The following PRKCE variants were observed in gnomAD, a reference collection of about 807,000 sequenced individuals.
PRKCE encodes the protein protein kinase C epsilon.
Under a neutral mutation model 85.4 loss-of-function variants are expected in PRKCE, and 16 were observed. The ratio of observed to expected loss-of-function variants is 0.19; its 90% CI spans 0.13 to 0.28. The LOEUF (loss-of-function observed/expected upper bound fraction) is 0.28, where lower values mean the gene tolerates loss of function less well. Among genes scored for constraint, PRKCE ranks in the 10% least tolerant of loss-of-function variants. The probability of loss-of-function intolerance (pLI) is 1.00; values close to 1 mark genes in which losing one functional copy is unlikely to be tolerated. For synonymous variants in PRKCE, 388 were observed against 371.5 expected (o/e 1.04, Z -0.51); for missense variants, 573 against 975.2 (o/e 0.59, Z 5.49).
chr2:45,745,379 C>A (rs1477743935), intron 1 of PRKCE, among the ~76,000 whole-genome samples: 1 of 152,132 alleles, frequency 6.6e-6, no homozygotes, highest in African/African-American at 2.4e-5. Flanking sequence ...GGGGAGGCTT[C>A]TTTCCCTATC....
intron 11 of PRKCE, among the ~76,000 whole-genome samples, chr2:46,108,933 C>A (rs1367003586): frequency 6.7e-6 from 1 of 150,076 alleles, no homozygotes; most frequent in Admixed American, 6.7e-5. Context: ...TCCAGTTGTT[C>A]AAGCACCATT....
At position 46,044,229 on chromosome 2, in the gene PRKCE, A is replaced by T. The variant is rs150388833; in HGVS notation, c.1437+33712A>T. On this transcript the variant is annotated intron_variant, in intron 10 of 14. Transcript: ENST00000306156. The stretch of plus-strand genomic sequence containing the variant: ...TACAGAATGTTTGTTGAATGAATGA[A>T]TGAATGAAAAAGTCTGGGCTTGGCC... 1.4e-3 allele frequency among the ~76,000 whole-genome samples: 217 copies of T among 152,374 alleles called. 2 individuals are homozygous for T. The highest frequency in any genetic ancestry group is 4.9e-3 in the African/African-American group (204 of 41,590).
At chr2:46,097,319 C>A (rs1296848125) in intron 11 of PRKCE, among the ~76,000 whole-genome samples, 1 of 152,000 alleles carries the variant, frequency 6.6e-6, no homozygotes, top group Non-Finnish European at 1.5e-5. Context: ...GAGATCGAGA[C>A]CATCCTGGCT....
At chr2:46,026,204 C>T (rs574694073) in intron 10 of PRKCE, among the ~76,000 whole-genome samples, 57 of 152,236 alleles carry the variant, frequency 3.7e-4, no homozygotes, top group Non-Finnish European at 5.9e-4. Flanking sequence ...GAGTAAAAAG[C>T]GCAGTCTAAG....
intron 2 of PRKCE, among the ~76,000 whole-genome samples, chr2:45,920,741 GA>G (rs375039313): frequency 6.6e-6 from 1 of 152,188 alleles, no homozygotes; most frequent in African/African-American, 2.4e-5. Context: ...GGGAATTGGA[GA>G]ACAGGGGGTG....
intron 2 of PRKCE, among the ~76,000 whole-genome samples, chr2:45,970,557 A>T (rs1235700872): frequency 6.6e-6 from 1 of 152,156 alleles, no homozygotes; most frequent in Non-Finnish European, 1.5e-5. Context: ...CTAGAACAGT[A>T]AAGGAGACTG....
At chr2:45,836,343 T>A (rs189296392) in intron 1 of PRKCE, among the ~76,000 whole-genome samples, 4 of 152,366 alleles carry the variant, frequency 2.6e-5, no homozygotes, top group Admixed American at 2.6e-4. Flanking sequence ...TTTGATTACA[T>A]GTGTACTCTC....
intron 7 of PRKCE, among the ~76,000 whole-genome samples, chr2:46,002,851 T>C (rs1265862422): frequency 6.6e-6 from 1 of 152,218 alleles, no homozygotes; most frequent in African/African-American, 2.4e-5. Context: ...AGAGAACCCT[T>C]TTCAGGAGAC....
chr2:46,145,641 G>A lies in PRKCE; in HGVS notation c.1731+410G>A, dbSNP rs959745814. On this transcript the variant is annotated intron_variant, in intron 12 of 14. Coordinates refer to ENST00000306156, the MANE Select transcript of PRKCE (RefSeq NM_005400.3). The surrounding 1 kb of genome is among the most constrained non-coding windows in gnomAD (Gnocchi z 4.6). ...CCAGCACTTTGGGAGGCCAAGGCAGGTAGATCGCTTGAGCCCAGGAGTTCA... is the reference window on the plus strand; with the variant it reads ...CCAGCACTTTGGGAGGCCAAGGCAGATAGATCGCTTGAGCCCAGGAGTTCA... Among the ~76,000 whole-genome samples, 1 of 152,196 alleles carries A rather than the reference G, an allele frequency of 6.6e-6. No homozygotes were observed. Among genetic ancestry groups the A allele is most frequent in the African/African-American group, 2.4e-5 (1 of 41,444 alleles).
chr2:45,733,040 A>G (rs1458010034), intron 1 of PRKCE, among the ~76,000 whole-genome samples: 1 of 152,272 alleles, frequency 6.6e-6, no homozygotes, highest in Non-Finnish European at 1.5e-5. Flanking sequence ...GCAGCCATAG[A>G]CAATACAAAT....
rs550705496 is a variant in PRKCE at position 46,130,826 on chromosome 2, T to C, written c.1593-14267T>C. Reference sequence around the variant, plus strand: ...TGCTGCTTGTTTTGGACCCTTAGAGTAGCTTGAGAAGAGTAAAACTGCAAA... The same window carrying C: ...TGCTGCTTGTTTTGGACCCTTAGAGCAGCTTGAGAAGAGTAAAACTGCAAA... On this transcript the variant is annotated intron_variant, in intron 11 of 14. Coordinates refer to ENST00000306156, the MANE Select transcript of PRKCE (RefSeq NM_005400.3). Among the ~76,000 whole-genome samples the C allele has an allele frequency of 5.9e-5, 9 of 152,300 alleles. No homozygotes were observed. The South Asian group carries it at 1.9e-3, about 32-fold the overall frequency.
At chr2:45,792,686 G>A (rs1687125525) in intron 1 of PRKCE, among the ~76,000 whole-genome samples, 1 of 152,208 alleles carries the variant, frequency 6.6e-6, no homozygotes, top group African/African-American at 2.4e-5. Flanking sequence ...GAAAGATGGG[G>A]TTAAGGAGAG....
chr2:45,944,152 A>C (rs1700073542), intron 2 of PRKCE, among the ~76,000 whole-genome samples: 1 of 152,224 alleles, frequency 6.6e-6, no homozygotes, highest in Non-Finnish European at 1.5e-5. Flanking sequence ...AAAGCCTTTT[A>C]GGCCCGAATC....
At chr2:46,090,054 T>C (rs991123916) in intron 11 of PRKCE, among the ~76,000 whole-genome samples, 2 of 152,072 alleles carry the variant, frequency 1.3e-5, no homozygotes, top group Non-Finnish European at 2.9e-5. Flanking sequence ...GGTAAGGGGA[T>C]GGGTGAAAAC....
intron 1 of PRKCE, among the ~76,000 whole-genome samples, chr2:45,815,271 T>C (rs1015733325): frequency 1.3e-5 from 2 of 152,156 alleles, no homozygotes; most frequent in Non-Finnish European, 2.9e-5. Context: ...TATCCAGAAA[T>C]AATTTGACAA....
intron 1 of PRKCE, among the ~76,000 whole-genome samples, chr2:45,809,050 G>C (rs1382394472): frequency 6.6e-6 from 1 of 152,088 alleles, no homozygotes; most frequent in African/African-American, 2.4e-5. Flanking sequence ...GATTTCTATG[G>C]GTATGGGCCG....
At chr2:45,837,566 C>T (rs1078462) in intron 1 of PRKCE, among the ~76,000 whole-genome samples, 41,623 of 152,096 alleles carry the variant, frequency 0.27, 5,903 homozygotes, top group Admixed American at 0.35. Context: ...CTAGGGAGCA[C>T]GTTCTGATTC....
chr2:46,052,521 A>G (rs534837128), intron 10 of PRKCE, among the ~76,000 whole-genome samples: 1 of 152,342 alleles, frequency 6.6e-6, no homozygotes, highest in Admixed American at 6.5e-5. Flanking sequence ...TGGAAAAAAC[A>G]TTCCATGTTT....
chr2:45,978,881 A>G (rs1445046410), intron 3 of PRKCE, 95 bp from the exon 4 acceptor site: 14 of 986,504 alleles, frequency 1.4e-5, no homozygotes, highest in Non-Finnish European at 1.9e-5. Flanking sequence ...ACTTGGTGCT[A>G]TGTGGGTGGT....
Sources: allele counts gnomAD v4.1 joint callset (sites outside exome capture counted in the v4.1 genomes callset), GRCh38; gene constraint gnomAD v4.1.1; non-coding constraint Gnocchi (gnomAD v3.1); transcripts MANE v1.5; gene names NCBI Gene and HGNC (gene_info 2026-07-23, HGNC 2026-07-21).